Variants in GLIS3 observed in about 807,000 individuals in gnomAD.
GLIS3 encodes GLIS family zinc finger 3.
Under a neutral mutation model 78.6 loss-of-function variants are expected in GLIS3, and 53 were observed. That is an observed-to-expected ratio of 0.67 (90% confidence interval 0.54 to 0.85). The LOEUF is 0.85. Ranked by LOEUF, GLIS3 falls within the 40% of genes least tolerant of loss-of-function variation. The probability of loss-of-function intolerance (pLI) is 0.00; values close to 1 mark genes in which losing one functional copy is unlikely to be tolerated. For missense variants in GLIS3, 1,703 were observed against 1,231.1 expected (o/e 1.38, Z -5.74); for synonymous variants, 684 against 509.9 (o/e 1.34, Z -4.60).
At chr9:4,459,620 C>A in the GLIS3 span, among the ~76,000 whole-genome samples, 1 of 151,948 alleles carries the variant, frequency 6.6e-6, no homozygotes, top group Non-Finnish European at 1.5e-5. Flanking sequence ...TAAAAATTAG[C>A]TAAGCATGGT....
chr9:4,424,272 T>C, the GLIS3 span, among the ~76,000 whole-genome samples: 3 of 152,280 alleles, frequency 2.0e-5, no homozygotes, highest in South Asian at 2.1e-4. Flanking sequence ...CCCAACCTGT[T>C]TTCACTGTGT....
At chr9:4,472,265 C>A in the GLIS3 span, among the ~76,000 whole-genome samples, 2 of 152,214 alleles carry the variant, frequency 1.3e-5, no homozygotes, top group Middle Eastern at 3.4e-3. Context: ...GGGTACATAC[C>A]CAAAGGATTA....
the GLIS3 span, among the ~76,000 whole-genome samples, chr9:4,418,665 C>G: frequency 1.4e-3 from 216 of 152,170 alleles, 1 homozygote; most frequent in African/African-American, 5.1e-3. Context: ...CGCCACTGCA[C>G]TCCAGCCTGG....
At chr9:4,129,677 A>G (rs760402479) in intron 2 of GLIS3, among the ~76,000 whole-genome samples, 13 of 152,158 alleles carry the variant, frequency 8.5e-5, no homozygotes, top group Non-Finnish European at 1.6e-4. Flanking sequence ...CAGAACCATG[A>G]GCCAATTAAA....
chr9:4,231,327 C>T (rs1404118326), intron 2 of GLIS3, among the ~76,000 whole-genome samples: 1 of 152,118 alleles, frequency 6.6e-6, no homozygotes, highest in Non-Finnish European at 1.5e-5. Context: ...GAGCTGTTAT[C>T]TTACTTTACC....
At chr9:4,489,960 C>A in the GLIS3 span, among the ~76,000 whole-genome samples, 1 of 152,230 alleles carries the variant, frequency 6.6e-6, no homozygotes, top group African/African-American at 2.4e-5. Flanking sequence ...GGACTCCTTT[C>A]TCTCCTCCCA....
intron 4 of GLIS3, among the ~76,000 whole-genome samples, chr9:4,045,364 C>G (rs1433001928): frequency 1.3e-5 from 2 of 152,062 alleles, no homozygotes; most frequent in Admixed American, 1.3e-4. Flanking sequence ...GAGCCGGAAT[C>G]TCGCTCTATC....
At chr9:4,439,987 T>A in the GLIS3 span, among the ~76,000 whole-genome samples, 1 of 152,234 alleles carries the variant, frequency 6.6e-6, no homozygotes, top group African/African-American at 2.4e-5. Flanking sequence ...CCAGCCTACA[T>A]GTCTTCTTTT....
the GLIS3 span, among the ~76,000 whole-genome samples, chr9:4,376,230 T>C: frequency 3.2e-4 from 49 of 152,154 alleles, no homozygotes; most frequent in Non-Finnish European, 6.8e-4. Context: ...CAGGGGAAGA[T>C]GTTAGGAAGG....
chr9:4,275,379 GAGA>G (rs1389256234), intron 2 of GLIS3, among the ~76,000 whole-genome samples: 4 of 152,154 alleles, frequency 2.6e-5, no homozygotes, highest in African/African-American at 7.2e-5. Context: ...TTCAAATAGA[GAGA>G]AGGAGAAAGA....
chr9:4,416,158 A>C, the GLIS3 span, among the ~76,000 whole-genome samples: 2 of 149,172 alleles, frequency 1.3e-5, no homozygotes, highest in African/African-American at 4.9e-5. Context: ...AGATCAAGGC[A>C]AGAGGATCGC....
intron 2 of GLIS3, among the ~76,000 whole-genome samples, chr9:4,162,096 C>A (rs1312279573): frequency 1.3e-5 from 2 of 152,110 alleles, no homozygotes; most frequent in Non-Finnish European, 2.9e-5. Flanking sequence ...GCCAGCAACA[C>A]TGACCATCCC....
chr9:4,473,381 G>A, the GLIS3 span, among the ~76,000 whole-genome samples: 5 of 147,438 alleles, frequency 3.4e-5, no homozygotes, highest in African/African-American at 2.5e-5. Context: ...GGGAGGCAGA[G>A]GTTGCAGTGA....
At chr9:4,466,883 CA>C in the GLIS3 span, among the ~76,000 whole-genome samples, 1 of 152,202 alleles carries the variant, frequency 6.6e-6, no homozygotes, top group Admixed American at 6.5e-5. Context: ...CCTTCCTAGC[CA>C]AGGGAAGCCG....
intron 2 of GLIS3, among the ~76,000 whole-genome samples, chr9:4,345,076 C>G (rs1394377456): frequency 6.6e-6 from 1 of 152,146 alleles, no homozygotes; most frequent in African/African-American, 2.4e-5. Flanking sequence ...AAACTTAAAT[C>G]AGATCACTCC....
At chr9:4,097,424 G>T (rs113841362) in intron 4 of GLIS3, among the ~76,000 whole-genome samples, 142 of 152,044 alleles carry the variant, frequency 9.3e-4, no homozygotes, top group Non-Finnish European at 1.7e-3. Context: ...AAGAAGGGGT[G>T]GGCTCAGCTG....
intron 2 of GLIS3, among the ~76,000 whole-genome samples, chr9:4,225,526 A>G (rs1164092085): frequency 1.3e-5 from 2 of 152,200 alleles, no homozygotes; most frequent in African/African-American, 4.8e-5. Flanking sequence ...GGTCTGCTAA[A>G]GTAGTCACAC....
At chr9:4,153,409 C>A (rs1834826543) in intron 2 of GLIS3, among the ~76,000 whole-genome samples, 1 of 152,066 alleles carries the variant, frequency 6.6e-6, no homozygotes. Context: ...ACTAAAAATA[C>A]AAAAATTAGC....
chr9:4,262,070 G>A (rs1056000115), intron 2 of GLIS3, among the ~76,000 whole-genome samples: 1 of 152,122 alleles, frequency 6.6e-6, no homozygotes, highest in African/African-American at 2.4e-5. Context: ...TGGCTAGAAA[G>A]AGACCCGGTC....
Sources: allele counts gnomAD v4.1 joint callset (sites outside exome capture counted in the v4.1 genomes callset), GRCh38; gene constraint gnomAD v4.1.1; transcripts MANE v1.5; gene names NCBI Gene and HGNC (gene_info 2026-07-23, HGNC 2026-07-21).